Variants in SPATA17 observed in about 807,000 individuals in gnomAD.
SPATA17 encodes spermatogenesis associated 17, also known as spermatogenesis-associated protein 17.
Under a neutral mutation model 62.2 loss-of-function variants are expected in SPATA17, and 53 were observed. That is an observed-to-expected ratio of 0.85 (90% CI 0.68 to 1.07). SPATA17 has a LOEUF of 1.07. Ranked by LOEUF, SPATA17 falls within the 50% of genes least tolerant of loss-of-function variation. The pLI is 0.00. For synonymous variants in SPATA17, 146 were observed against 146.8 expected (o/e 0.99, Z 0.04); for missense variants, 466 against 425.5 (o/e 1.10, Z -0.84).
chr1:217,688,023 T>A (rs1671259828), intron 5 of SPATA17, among the ~76,000 whole-genome samples: 1 of 152,208 alleles, frequency 6.6e-6, no homozygotes, highest in Non-Finnish European at 1.5e-5. Context: ...ATGGCCCTTC[T>A]GTGCCTCATC....
At chr1:217,789,537 C>T (rs960643375) in intron 8 of SPATA17, among the ~76,000 whole-genome samples, 5 of 152,268 alleles carry the variant, frequency 3.3e-5, no homozygotes, top group African/African-American at 1.2e-4. Context: ...TCCCCAGTGG[C>T]CTGCAGGTAA....
At chr1:217,741,854 A>G (rs1236354390) in intron 5 of SPATA17, 121 bp from the exon 6 acceptor site, 21 of 1,021,704 alleles carry the variant, frequency 2.1e-5, no homozygotes, top group Non-Finnish European at 2.4e-5. Context: ...GATAGATTAC[A>G]CCACTGATTT....
intron 9 of SPATA17, among the ~76,000 whole-genome samples, chr1:217,806,899 G>T (rs1184564055): frequency 6.6e-6 from 1 of 152,054 alleles, no homozygotes; most frequent in Non-Finnish European, 1.5e-5. Context: ...CAAAATTCAG[G>T]CTATACCATG....
chr1:217,745,434 T>C (rs1672725223), intron 6 of SPATA17, among the ~76,000 whole-genome samples: 1 of 152,174 alleles, frequency 6.6e-6, no homozygotes, highest in Non-Finnish European at 1.5e-5. Context: ...AGAATGATAC[T>C]GGAAAGTTCA....
chr1:217,856,709 T>C (rs1018465628), intron 9 of SPATA17, among the ~76,000 whole-genome samples: 1 of 152,234 alleles, frequency 6.6e-6, no homozygotes, highest in Non-Finnish European at 1.5e-5. Flanking sequence ...TACTTGAGGA[T>C]ATTTTCCTGA....
chr1:217,795,865 C>T (rs1385821845), intron 8 of SPATA17, among the ~76,000 whole-genome samples: 1 of 152,038 alleles, frequency 6.6e-6, no homozygotes, highest in Non-Finnish European at 1.5e-5. Flanking sequence ...GTGGCATGAT[C>T]GTGACTCACG....
intron 9 of SPATA17, among the ~76,000 whole-genome samples, chr1:217,816,097 G>C (rs1177500126): frequency 6.6e-6 from 1 of 151,916 alleles, no homozygotes; most frequent in Non-Finnish European, 1.5e-5. Flanking sequence ...CACATCTTCA[G>C]TCTTAATTCA....
At position 217,867,612 on chromosome 1, in the gene SPATA17, A is replaced by C. The variant is rs1272956578; in HGVS notation, c.*593A>C. ...TCTGCTGCCAAGGGAGCAAAGAGAT[A>C]ATCTCGATGCCAGGGCTGTGTCAGA... On this transcript the variant is annotated 3_prime_UTR_variant, in exon 11 of 11. Coordinates refer to ENST00000366933, the MANE Select transcript of SPATA17 (RefSeq NM_138796.4). The C allele has an allele frequency of 6.6e-6, 1 of 152,172 alleles. No individual in the cohort carries two copies. The highest frequency in any genetic ancestry group is 2.4e-5 in the African/African-American group (1 of 41,434). 9.4% of individuals were successfully genotyped at this position (152,172 alleles called of 1,614,324 possible).
chr1:217,642,628 T>G (rs1670091384), intron 1 of SPATA17, among the ~76,000 whole-genome samples: 1 of 152,134 alleles, frequency 6.6e-6, no homozygotes, highest in Admixed American at 6.5e-5. Context: ...TGGGGGCGGT[T>G]TCCTCCGTGC....
chr1:217,843,434 G>A (rs1403503826), intron 9 of SPATA17, among the ~76,000 whole-genome samples: 1 of 151,862 alleles, frequency 6.6e-6, no homozygotes, highest in African/African-American at 2.4e-5. Context: ...GGACAAGAGA[G>A]CAAGAACCCC....
At chr1:217,839,931 T>C (rs910874151) in intron 9 of SPATA17, among the ~76,000 whole-genome samples, 2 of 152,234 alleles carry the variant, frequency 1.3e-5, no homozygotes, top group South Asian at 2.1e-4. Context: ...AGTTTATCTA[T>C]AGATTTCCAG....
intron 3 of SPATA17, among the ~76,000 whole-genome samples, chr1:217,662,018 A>T (rs1670582939): frequency 1.3e-5 from 2 of 152,180 alleles, no homozygotes; most frequent in Admixed American, 1.3e-4. Context: ...GTACCACAAA[A>T]ATGTAGAAAT....
At chr1:217,752,096 T>G (rs954775574) in intron 6 of SPATA17, among the ~76,000 whole-genome samples, 1 of 152,200 alleles carries the variant, frequency 6.6e-6, no homozygotes, top group Non-Finnish European at 1.5e-5. Context: ...TGGAGTGCAG[T>G]GGCGTGATCA....
At chr1:217,845,298 A>AT (rs1675497958) in intron 9 of SPATA17, among the ~76,000 whole-genome samples, 1 of 152,014 alleles carries the variant, frequency 6.6e-6, no homozygotes, top group African/African-American at 2.4e-5. Context: ...AGAGCACTAG[A>AT]TGCATTCACT....
chr1:217,845,735 T>C (rs1318302736), intron 9 of SPATA17, among the ~76,000 whole-genome samples: 1 of 152,116 alleles, frequency 6.6e-6, no homozygotes, highest in East Asian at 1.9e-4. Flanking sequence ...GCAGTTTACT[T>C]AGACTAAGAA....
intron 6 of SPATA17, among the ~76,000 whole-genome samples, chr1:217,758,663 T>C (rs1673103605): frequency 6.6e-6 from 1 of 152,190 alleles, no homozygotes; most frequent in Admixed American, 6.5e-5. Flanking sequence ...AGATGATTGA[T>C]GTTAGAGCCT....
intron 9 of SPATA17, among the ~76,000 whole-genome samples, chr1:217,815,430 A>G (rs4846441): frequency 0.34 from 51,900 of 152,030 alleles, 10,097 homozygotes; most frequent in African/African-American, 0.53. Flanking sequence ...ACCATTTAGC[A>G]GCAGCGTGTT....
intron 4 of SPATA17, among the ~76,000 whole-genome samples, chr1:217,682,516 A>G (rs1326402934): frequency 6.6e-6 from 1 of 152,188 alleles, no homozygotes; most frequent in African/African-American, 2.4e-5. Flanking sequence ...TCCCAGTTCT[A>G]TATTGCAATG....
At chr1:217,774,583 C>T in intron 7 of SPATA17, 46 bp downstream of exon 7, 1 of 1,542,586 alleles carries the variant, frequency 6.5e-7, no homozygotes, top group Non-Finnish European at 8.8e-7. Flanking sequence ...TTTATTCTTG[C>T]TATTTTTTGC....
Sources: gnomAD v4.1 joint callset for allele counts (sites outside exome capture counted in the v4.1 genomes callset) on GRCh38, gnomAD v4.1.1 for gene constraint, MANE v1.5 for transcripts, NCBI Gene and HGNC (gene_info 2026-07-23, HGNC 2026-07-21) for gene names.